ANKH: variants seen among roughly 807,000 people sequenced by gnomAD.
ANKH encodes the protein mineralization regulator ANKH.
In ANKH, 15 loss-of-function variants were observed where a neutral mutation model predicts 49.0. The ratio of observed to expected loss-of-function variants is 0.31; its 90% CI spans 0.20 to 0.47. The LOEUF is 0.47. Among genes scored for constraint, ANKH ranks in the 20% least tolerant of loss-of-function variants. The pLI, the probability that ANKH is intolerant of heterozygous loss-of-function variation, is 1.00. For missense variants in ANKH, 429 were observed against 652.0 expected, an observed-to-expected ratio of 0.66 and a Z score of 3.72; for synonymous variants, 273 against 260.0, an observed-to-expected ratio of 1.05 and a Z score of -0.48.
rs767833606 is a variant in ANKH at position 14,769,209 on chromosome 5, A to G, written c.97-18T>C. 2.5e-6 allele frequency: 4 copies of G among 1,597,864 alleles called. No individual in the cohort carries two copies. In the African/African-American group the frequency reaches 5.4e-5, roughly 21 times the overall value. On this transcript the variant is annotated intron_variant, in intron 1 of 11. Transcript: ENST00000284268. ...TTCAAGGCCTGGGAAGGGGGAAAAA[A>G]ACCCACAAGCATTAGAAATGTCATC...
chr5:14,845,652 C>T (rs980179376), intron 1 of ANKH, among the ~76,000 whole-genome samples: 2 of 151,924 alleles, frequency 1.3e-5, no homozygotes, highest in African/African-American at 4.8e-5. Context: ...TTCAATCCAC[C>T]CAGGGTGCTA....
At chr5:14,855,641 C>T (rs1298524372) in intron 1 of ANKH, among the ~76,000 whole-genome samples, 2 of 152,086 alleles carry the variant, frequency 1.3e-5, no homozygotes, top group African/African-American at 4.8e-5. Context: ...GACCTGATTA[C>T]AGAAGGGGTC....
At chr5:14,775,590 C>T (rs1382006533) in intron 1 of ANKH, among the ~76,000 whole-genome samples, 3 of 152,050 alleles carry the variant, frequency 2.0e-5, no homozygotes, top group Admixed American at 2.0e-4. Flanking sequence ...GACAAGGCAG[C>T]CCCTCTAAAG....
chr5:14,772,230 C>A (rs1739469479), intron 1 of ANKH, among the ~76,000 whole-genome samples: 1 of 152,142 alleles, frequency 6.6e-6, no homozygotes, highest in Non-Finnish European at 1.5e-5. Flanking sequence ...GCCTTTGTTT[C>A]ATTCCTTTAC....
Position 14,769,254 on chromosome 5 carries a change from C to A in ANKH, c.97-63G>T, listed in dbSNP as rs1219791196. On this transcript the variant is annotated intron_variant, in intron 1 of 11. Transcript: ENST00000284268. Reference sequence around the variant, plus strand: ...GTCATCTCTTCTCTGGGGAATCATACCTCTAAGATGAAATTCAGCAGATCA... The same window carrying A: ...GTCATCTCTTCTCTGGGGAATCATAACTCTAAGATGAAATTCAGCAGATCA... 12 of 1,367,454 alleles carry A rather than the reference C, an allele frequency of 8.8e-6. No individual in the cohort carries two copies. In the African/African-American group the frequency reaches 1.0e-4, roughly 11 times the overall value. 84.7% of individuals were successfully genotyped at this position (1,367,454 alleles called of 1,614,324 possible). A position where few individuals can be genotyped will look rare whatever the true frequency, so the allele number is the denominator to read the frequency against.
intron 8 of ANKH, among the ~76,000 whole-genome samples, chr5:14,724,304 T>A (rs112403360): frequency 0.08 from 11,207 of 140,350 alleles, 430 homozygotes; most frequent in African/African-American, 0.1. Flanking sequence ...TTAACAAGAG[T>A]GAAACTCTGT....
chr5:14,774,511 C>T (rs1739550283), intron 1 of ANKH, among the ~76,000 whole-genome samples: 1 of 152,160 alleles, frequency 6.6e-6, no homozygotes, highest in African/African-American at 2.4e-5. Context: ...GATCTCGGCT[C>T]ACTGCAACCT....
chr5:14,813,459 C>T (rs1406591150), intron 1 of ANKH, among the ~76,000 whole-genome samples: 3 of 150,940 alleles, frequency 2.0e-5, no homozygotes, highest in African/African-American at 4.9e-5. Context: ...TTATTTTGAC[C>T]AAAGCATAAA....
At chr5:14,798,609 G>A (rs1247191443) in intron 1 of ANKH, among the ~76,000 whole-genome samples, 2 of 151,954 alleles carry the variant, frequency 1.3e-5, no homozygotes, top group Non-Finnish European at 2.9e-5. Context: ...TCACATTTTG[G>A]TAACTCTCGC....
At chr5:14,782,135 T>C (rs1739827139) in intron 1 of ANKH, among the ~76,000 whole-genome samples, 1 of 152,146 alleles carries the variant, frequency 6.6e-6, no homozygotes, top group African/African-American at 2.4e-5. Context: ...CTGCCTTCCA[T>C]GGACGTTTAT....
chr5:14,839,066 C>A (rs1741743194), intron 1 of ANKH, among the ~76,000 whole-genome samples: 1 of 152,162 alleles, frequency 6.6e-6, no homozygotes, highest in Admixed American at 6.5e-5. Flanking sequence ...ATCCAATAGA[C>A]CCTTACCTCA....
chr5:14,834,423 C>T (rs935389827), intron 1 of ANKH, among the ~76,000 whole-genome samples: 12 of 152,066 alleles, frequency 7.9e-5, no homozygotes, highest in East Asian at 7.7e-4. Flanking sequence ...GACACTGTAA[C>T]GTTAGAGGAA....
At chr5:14,804,791 C>A (rs1740657442) in intron 1 of ANKH, among the ~76,000 whole-genome samples, 1 of 152,196 alleles carries the variant, frequency 6.6e-6, no homozygotes. Context: ...CAGGGTGAGA[C>A]TGGATGGGGA....
At chr5:14,803,953 C>T (rs111388848) in intron 1 of ANKH, among the ~76,000 whole-genome samples, 16,682 of 152,028 alleles carry the variant, frequency 0.11, 990 homozygotes, top group Admixed American at 0.12. Flanking sequence ...TGGAGTGCAA[C>T]GGCGCGGTAT....
At chr5:14,811,299 G>T (rs1580086919) in intron 1 of ANKH, among the ~76,000 whole-genome samples, 1 of 152,190 alleles carries the variant, frequency 6.6e-6, no homozygotes, top group Admixed American at 6.5e-5. Context: ...CGACAGGGAA[G>T]GGGGAAAAGA....
At chr5:14,819,738 C>A (rs974267763) in intron 1 of ANKH, among the ~76,000 whole-genome samples, 1 of 152,010 alleles carries the variant, frequency 6.6e-6, no homozygotes, top group Non-Finnish European at 1.5e-5. Flanking sequence ...TGGTAGTGTG[C>A]GTCTATAGTC....
At chr5:14,775,885 G>T (rs1739603188) in intron 1 of ANKH, among the ~76,000 whole-genome samples, 2 of 152,220 alleles carry the variant, frequency 1.3e-5, no homozygotes, top group Non-Finnish European at 2.9e-5. Flanking sequence ...TGATAGAAGT[G>T]GGCTGGAGAG....
At chr5:14,757,032 T>C (rs1738908046) in intron 3 of ANKH, among the ~76,000 whole-genome samples, 1 of 152,220 alleles carries the variant, frequency 6.6e-6, no homozygotes, top group Non-Finnish European at 1.5e-5. Flanking sequence ...AATTCACTTT[T>C]ACTAACAGTC....
At chr5:14,776,958 G>T (rs1031444696) in intron 1 of ANKH, among the ~76,000 whole-genome samples, 1 of 152,240 alleles carries the variant, frequency 6.6e-6, no homozygotes, top group Non-Finnish European at 1.5e-5. Context: ...TACACAATGG[G>T]CACTTAGCGA....
Sources: gnomAD v4.1 joint callset for allele counts (sites outside exome capture counted in the v4.1 genomes callset) on GRCh38, gnomAD v4.1.1 for gene constraint, MANE v1.5 for transcripts, NCBI Gene and HGNC (gene_info 2026-07-23, HGNC 2026-07-21) for gene names.